Variants in TMEM178B observed in about 807,000 individuals in gnomAD.
TMEM178B encodes transmembrane protein 178B.
A neutral mutation model predicts 31.0 loss-of-function variants in TMEM178B; 5 were observed. That is an observed-to-expected ratio of 0.16 (90% CI 0.08 to 0.34). The LOEUF (loss-of-function observed/expected upper bound fraction) is 0.34. Ranked by LOEUF, TMEM178B falls within the 10% of genes least tolerant of loss-of-function variation. TMEM178B has a pLI of 1.00. For missense variants in TMEM178B, 275 were observed against 400.3 expected (o/e 0.69, Z 2.67); for synonymous variants, 164 against 164.0 (o/e 1.00, Z 0.00).
At chr7:141,207,407 G>A (rs1021061874) in intron 1 of TMEM178B, among the ~76,000 whole-genome samples, 2 of 152,154 alleles carry the variant, frequency 1.3e-5, no homozygotes, top group African/African-American at 4.8e-5. Flanking sequence ...CCCACCAATA[G>A]CATGCAAGAG....
At chr7:141,384,470 G>A (rs1308678830) in intron 2 of TMEM178B, among the ~76,000 whole-genome samples, 3 of 152,126 alleles carry the variant, frequency 2.0e-5, no homozygotes, top group Non-Finnish European at 4.4e-5. Context: ...TATTAAATAG[G>A]GAATCCTTTC....
intron 1 of TMEM178B, among the ~76,000 whole-genome samples, chr7:141,136,068 A>T (rs946861947): frequency 6.6e-6 from 1 of 152,228 alleles, no homozygotes; most frequent in African/African-American, 2.4e-5. Flanking sequence ...CCAAATAGAC[A>T]AAATGATACT....
At chr7:141,138,483 C>G (rs1485139643) in intron 1 of TMEM178B, among the ~76,000 whole-genome samples, 1 of 151,924 alleles carries the variant, frequency 6.6e-6, no homozygotes, top group Non-Finnish European at 1.5e-5. Context: ...GAAGATGGCC[C>G]AGGTGGTTTC....
At chr7:141,312,973 G>A (rs960948976) in intron 2 of TMEM178B, among the ~76,000 whole-genome samples, 26 of 152,178 alleles carry the variant, frequency 1.7e-4, no homozygotes, top group African/African-American at 6.3e-4. Flanking sequence ...TTACATCTTT[G>A]AGGGAGAAGA....
In TMEM178B at chr7:141,473,407, A is replaced by T. The variant is rs574955765; in HGVS notation, c.*2621A>T. 1 of 152,160 alleles carries T rather than the reference A, an allele frequency of 6.6e-6. No homozygotes were observed. Among genetic ancestry groups the T allele is most frequent in the Non-Finnish European group, 1.5e-5 (1 of 68,020 alleles). The allele number at this position is 152,160 out of a possible 1,614,324, so 9.4% of individuals were successfully genotyped here. A position where few individuals can be genotyped will look rare whatever the true frequency, so the allele number is the denominator to read the frequency against. On this transcript the variant is annotated 3_prime_UTR_variant, in exon 4 of 4. Coordinates refer to ENST00000565468, the MANE Select transcript of TMEM178B (RefSeq NM_001195278.2). The stretch of plus-strand genomic sequence containing the variant: ...TTGCAGGAGAGAGGGGAAAAATTCT[A>T]AATGGGGAAATTTGCTATGAACCAT...
chr7:141,309,156 TAAAG>T (rs1798866268), intron 2 of TMEM178B, among the ~76,000 whole-genome samples: 1 of 152,162 alleles, frequency 6.6e-6, no homozygotes, highest in East Asian at 1.9e-4. Flanking sequence ...TAGAAAAAAT[TAAAG>T]AAGAAAATAA....
chr7:141,158,241 A>G (rs1395619315), intron 1 of TMEM178B, among the ~76,000 whole-genome samples: 2 of 152,134 alleles, frequency 1.3e-5, no homozygotes, highest in Non-Finnish European at 2.9e-5. Flanking sequence ...GATTACAGCC[A>G]TGCACCACCA....
intron 1 of TMEM178B, among the ~76,000 whole-genome samples, chr7:141,128,058 A>G (rs1236423746): frequency 2.6e-5 from 4 of 152,168 alleles, no homozygotes; most frequent in African/African-American, 9.7e-5. Flanking sequence ...TGATAAGGTG[A>G]TTGCATAAAT....
chr7:141,331,853 G>A (rs561027789), intron 2 of TMEM178B, among the ~76,000 whole-genome samples: 15 of 152,292 alleles, frequency 9.8e-5, no homozygotes, highest in African/African-American at 3.4e-4. Context: ...CAGACCTTGG[G>A]GTTTTCTTCC....
intron 2 of TMEM178B, among the ~76,000 whole-genome samples, chr7:141,400,019 G>A (rs1800731993): frequency 6.6e-6 from 1 of 152,132 alleles, no homozygotes; most frequent in Admixed American, 6.5e-5. Context: ...TCTGTGTTGG[G>A]TTCTGGGAAC....
chr7:141,392,723 T>C (rs936582675), intron 2 of TMEM178B, among the ~76,000 whole-genome samples: 2 of 151,842 alleles, frequency 1.3e-5, no homozygotes, highest in Non-Finnish European at 2.9e-5. Flanking sequence ...ATCCAGTAGC[T>C]AAAAGGGAGT....
intron 2 of TMEM178B, among the ~76,000 whole-genome samples, chr7:141,315,292 C>T (rs1489474581): frequency 1.3e-5 from 2 of 152,178 alleles, no homozygotes; most frequent in African/African-American, 2.4e-5. Flanking sequence ...TGTGCAAACT[C>T]TTTACCATTG....
chr7:141,108,745 T>C (rs1460121177), intron 1 of TMEM178B, among the ~76,000 whole-genome samples: 1 of 152,160 alleles, frequency 6.6e-6, no homozygotes, highest in Admixed American at 6.5e-5. Context: ...CATGATTGTG[T>C]GTTTTTTCTC....
chr7:141,143,226 C>G (rs1429944147), intron 1 of TMEM178B, among the ~76,000 whole-genome samples: 1 of 152,226 alleles, frequency 6.6e-6, no homozygotes, highest in African/African-American at 2.4e-5. Context: ...TTAATTAGGT[C>G]CCACTTGTGA....
Position 141,074,119 on chromosome 7 carries a change from T to A in TMEM178B, c.-192T>A. 1 of 793,074 alleles carries A rather than the reference T, an allele frequency of 1.3e-6. No individual in the cohort carries two copies. 49.1% of individuals were successfully genotyped at this position (793,074 alleles called of 1,614,324 possible). On this transcript the variant is annotated 5_prime_UTR_variant, in exon 1 of 4. Coordinates refer to ENST00000565468, the MANE Select transcript of TMEM178B (RefSeq NM_001195278.2). The surrounding 1 kb of genome is among the most constrained non-coding windows in gnomAD (Gnocchi z 5.1). Reference sequence around the variant, plus strand: ...GGGAGCCTCTCCGGATCAGAACTTTTTAGGCCGCCCGCCCCCATCCCCGCA... The same window carrying A: ...GGGAGCCTCTCCGGATCAGAACTTTATAGGCCGCCCGCCCCCATCCCCGCA...
intron 2 of TMEM178B, among the ~76,000 whole-genome samples, chr7:141,366,756 G>T (rs909637582): frequency 1.3e-5 from 2 of 151,910 alleles, no homozygotes; most frequent in Non-Finnish European, 2.9e-5. Flanking sequence ...GAATGTAGAT[G>T]TCCCTCCCCT....
intron 1 of TMEM178B, among the ~76,000 whole-genome samples, chr7:141,088,754 G>A (rs1794830099): frequency 6.6e-6 from 1 of 152,100 alleles, no homozygotes; most frequent in African/African-American, 2.4e-5. Context: ...CATATCCTTT[G>A]CCCACTTTTT....
At chr7:141,419,290 C>G (rs1469368808) in intron 2 of TMEM178B, among the ~76,000 whole-genome samples, 1 of 152,202 alleles carries the variant, frequency 6.6e-6, no homozygotes, top group Non-Finnish European at 1.5e-5. Flanking sequence ...TCTAGGTCTC[C>G]TCTTTGAGTC....
chr7:141,293,619 C>A (rs536100208), intron 2 of TMEM178B, among the ~76,000 whole-genome samples: 1 of 152,128 alleles, frequency 6.6e-6, no homozygotes, highest in Non-Finnish European at 1.5e-5. Context: ...TCAAGAATGT[C>A]AGCTTCACTC....
Sources: allele counts gnomAD v4.1 joint callset (sites outside exome capture counted in the v4.1 genomes callset), GRCh38; gene constraint gnomAD v4.1.1; non-coding constraint Gnocchi (gnomAD v3.1); transcripts MANE v1.5; gene names NCBI Gene and HGNC (gene_info 2026-07-23, HGNC 2026-07-21).